Variants in ZNRF3 observed in about 807,000 individuals in gnomAD.
The protein encoded by ZNRF3 is zinc and ring finger 3.
In ZNRF3, 23 loss-of-function variants were observed where a neutral mutation model predicts 72.5. The observed-to-expected ratio is 0.32, with a 90% confidence interval of 0.23 to 0.45. The LOEUF (loss-of-function observed/expected upper bound fraction) is 0.45, where lower values mean the gene tolerates loss of function less well. ZNRF3 is among the 20% of genes least tolerant of loss of function. The pLI is 1.00. For synonymous variants in ZNRF3, 610 were observed against 545.3 expected, an observed-to-expected ratio of 1.12 and a Z score of -1.65; for missense variants, 1,169 against 1,272.1, an observed-to-expected ratio of 0.92 and a Z score of 1.23.
At chr22:28,935,575 T>C (rs2123782104) in intron 1 of ZNRF3, among the ~76,000 whole-genome samples, 1 of 152,328 alleles carries the variant, frequency 6.6e-6, no homozygotes, top group East Asian at 1.9e-4. Flanking sequence ...CTAGCCTGTC[T>C]CTGTTGAAGT....
intron 5 of ZNRF3, among the ~76,000 whole-genome samples, chr22:29,045,793 G>A (rs1207896600): frequency 1.3e-5 from 2 of 152,214 alleles, no homozygotes; most frequent in African/African-American, 4.8e-5. Flanking sequence ...AAGTGTTTAA[G>A]TCAACGTTAA....
intron 2 of ZNRF3, chr22:29,025,688 T>C (rs895093171): frequency 1.3e-5 from 2 of 151,280 alleles, no homozygotes; most frequent in Non-Finnish European, 3.0e-5. Flanking sequence ...GCCCGGCTAA[T>C]TTTTTGTATT....
At chr22:28,904,035 G>A (rs1361846566) in intron 1 of ZNRF3, among the ~76,000 whole-genome samples, 1 of 152,012 alleles carries the variant, frequency 6.6e-6, no homozygotes, top group Non-Finnish European at 1.5e-5. Context: ...TCACAGGGTG[G>A]AATTAATCTG....
chr22:28,903,068 T>G (rs1156562086), intron 1 of ZNRF3, among the ~76,000 whole-genome samples: 1 of 152,126 alleles, frequency 6.6e-6, no homozygotes, highest in Non-Finnish European at 1.5e-5. Context: ...CTCCCCAGGG[T>G]AGTGCTTAAG....
chr22:28,916,316 T>C (rs956764912), intron 1 of ZNRF3, among the ~76,000 whole-genome samples: 3 of 152,142 alleles, frequency 2.0e-5, no homozygotes, highest in African/African-American at 7.2e-5. Flanking sequence ...AGACTCAGCC[T>C]CCCAAAGTGC....
intron 1 of ZNRF3, among the ~76,000 whole-genome samples, chr22:28,933,017 G>GATGA (rs1234545143): frequency 6.6e-6 from 1 of 152,202 alleles, no homozygotes; most frequent in Admixed American, 6.5e-5. Context: ...TTTGTATTAG[G>GATGA]ATGAAGTGTG....
rs757507481 is a variant in ZNRF3 at position 29,049,666 on chromosome 22, G to A, written c.1485G>A (p.Pro495=). 24 of 1,608,838 alleles carry A rather than the reference G, an allele frequency of 1.5e-5. No homozygotes were observed. The highest frequency in any genetic ancestry group is 1.7e-4 in the Middle Eastern group (1 of 6,058). ...QSPPSLAPRG[P]ARAFPPSGSG... is the part of the protein sequence containing the mutation. ...CACCTAGCCTCGCACCCCGGGGCCC[G>A]GCCCGTGCCTTTCCTCCGAGCGGCA... The change falls in exon 8 of 9, where the codon CCG becomes CCA. Residue 495 remains proline, a synonymous_variant. Coordinates refer to ENST00000544604, the MANE Select transcript of ZNRF3 (RefSeq NM_001206998.2). This position sits in a 1 kb window ranked among gnomAD's most constrained non-coding sequence, Gnocchi z 5.2.
intron 1 of ZNRF3, among the ~76,000 whole-genome samples, chr22:28,903,427 G>A (rs1219215382): frequency 6.6e-6 from 1 of 152,212 alleles, no homozygotes; most frequent in Non-Finnish European, 1.5e-5. Flanking sequence ...GGGACTTGGG[G>A]CAAGCACAAG....
chr22:28,930,025 T>A (rs1304521663), intron 1 of ZNRF3, among the ~76,000 whole-genome samples: 1 of 152,208 alleles, frequency 6.6e-6, no homozygotes, highest in Non-Finnish European at 1.5e-5. Context: ...ATGGGTTTTT[T>A]ATTTGTTTGT....
In ZNRF3 at chr22:28,969,635, G is replaced by A. The variant is rs2035535075; in HGVS notation, c.301-17441G>A. ...CAGAAGAGAGGGGTCAAAGGTCATG[G>A]CAGGTCAGACACAGGATTTTCCAGG... On this transcript the variant is annotated intron_variant, in intron 1 of 8. Transcript: ENST00000544604. Among the ~76,000 whole-genome samples, 3 of 152,324 alleles carry A rather than the reference G, an allele frequency of 2.0e-5. 1 individual carries two copies. The South Asian group carries it at 6.2e-4, about 32-fold the overall frequency.
chr22:28,987,776 CTGCCAAGTAAG>C (rs1457859088), intron 2 of ZNRF3, among the ~76,000 whole-genome samples: 5 of 152,316 alleles, frequency 3.3e-5, no homozygotes, highest in Admixed American at 2.6e-4. Flanking sequence ...TTAAGTTTTG[CTGCCAAGTAAG>C]TTATGGGAAA....
intron 2 of ZNRF3, among the ~76,000 whole-genome samples, chr22:28,989,257 T>C (rs2035910868): frequency 6.6e-6 from 1 of 152,112 alleles, no homozygotes; most frequent in Non-Finnish European, 1.5e-5. Flanking sequence ...CTGAATAAAA[T>C]CATTAGCACA....
chr22:28,919,589 G>C (rs1252741457), intron 1 of ZNRF3, among the ~76,000 whole-genome samples: 1 of 151,224 alleles, frequency 6.6e-6, no homozygotes. Context: ...ACCCAGGCTG[G>C]AGTGCAGTGG....
chr22:28,989,534 C>A (rs958342134), intron 2 of ZNRF3, among the ~76,000 whole-genome samples: 1 of 152,172 alleles, frequency 6.6e-6, no homozygotes, highest in East Asian at 1.9e-4. Flanking sequence ...GCAGCTTAGT[C>A]CCTGCAGAAT....
intron 1 of ZNRF3, among the ~76,000 whole-genome samples, chr22:28,975,477 C>CAGCCTGGG (rs2123817084): frequency 7.9e-6 from 1 of 127,234 alleles, no homozygotes; most frequent in African/African-American, 3.0e-5. Context: ...CACTGCACTC[C>CAGCCTGGG]AGCCTGGGAG....
At chr22:28,911,063 T>C (rs1035742332) in intron 1 of ZNRF3, among the ~76,000 whole-genome samples, 9 of 152,178 alleles carry the variant, frequency 5.9e-5, no homozygotes, top group Admixed American at 5.2e-4. Context: ...GGATTCAGCC[T>C]TTCTGAGCCT....
rs377603629 is a variant in ZNRF3, at chr22:29,049,658, C to G, written c.1477C>G (p.Arg493Gly). The change falls in exon 8 of 9, where the codon CGG becomes GGG. Residue 493 changes from arginine (R) to glycine (G), a missense_variant. Arg to Gly is a moderately radical substitution (Grantham distance 125). This residue lies in a region of ZNRF3 where 783 missense variants were observed against 731.4 expected (regional missense o/e 1.07). Transcript: ENST00000544604. This position sits in a 1 kb window ranked among gnomAD's most constrained non-coding sequence, Gnocchi z 5.2. The part of the protein sequence containing the change: ...EGQSPPSLAP[R>G]GPARAFPPSG... The stretch of plus-strand genomic sequence containing the variant: ...GCAGTCCCCACCTAGCCTCGCACCC[C>G]GGGGCCCGGCCCGTGCCTTTCCTCC... The G allele has an allele frequency of 1.9e-6, 3 of 1,609,442 alleles. No individual in the cohort carries two copies. The highest frequency in any genetic ancestry group is 2.5e-6 in the Non-Finnish European group (3 of 1,179,410).
At chr22:28,898,223 C>T (rs1216006048) in intron 1 of ZNRF3, among the ~76,000 whole-genome samples, 3 of 152,232 alleles carry the variant, frequency 2.0e-5, no homozygotes, top group Non-Finnish European at 2.9e-5. Flanking sequence ...GCTGGGATTA[C>T]AGGCGTGAGC....
At chr22:29,001,676 T>C (rs1345649404) in intron 2 of ZNRF3, among the ~76,000 whole-genome samples, 1 of 152,130 alleles carries the variant, frequency 6.6e-6, no homozygotes, top group Non-Finnish European at 1.5e-5. Context: ...TTTCGCCTTG[T>C]TGGCCAGGCT....
Sources: allele counts gnomAD v4.1 joint callset (sites outside exome capture counted in the v4.1 genomes callset), GRCh38; gene constraint gnomAD v4.1.1; regional missense constraint gnomAD v4.1.1; non-coding constraint Gnocchi (gnomAD v3.1); transcripts MANE v1.5; gene names NCBI Gene and HGNC (gene_info 2026-07-23, HGNC 2026-07-21).